TANGO6: variants seen among roughly 807,000 people sequenced by gnomAD.
TANGO6 encodes the protein transport and golgi organization 6 homolog.
A neutral mutation model predicts 114.2 loss-of-function variants in TANGO6; 90 were observed. The ratio of observed to expected loss-of-function variants is 0.79; its 90% confidence interval spans 0.66 to 0.94. The LOEUF (loss-of-function observed/expected upper bound fraction) is 0.94, where lower values mean the gene tolerates loss of function less well. TANGO6 is among the 40% of genes least tolerant of loss of function. TANGO6 has a pLI of 0.00. For synonymous variants in TANGO6, 477 were observed against 509.8 expected (o/e 0.94, Z 0.87); for missense variants, 1,274 against 1,315.3 (o/e 0.97, Z 0.49).
At chr16:68,912,413 C>G (rs553940045) in intron 11 of TANGO6, among the ~76,000 whole-genome samples, 2 of 151,988 alleles carry the variant, frequency 1.3e-5, no homozygotes, top group South Asian at 4.2e-4. Context: ...GTGGGCAGAT[C>G]ACTTGAGGCC....
At chr16:68,861,202 C>A (rs1962087417) in intron 2 of TANGO6, among the ~76,000 whole-genome samples, 1 of 152,134 alleles carries the variant, frequency 6.6e-6, no homozygotes, top group African/African-American at 2.4e-5. Context: ...ACTACCCCCG[C>A]CATGAGAGGA....
At chr16:68,987,824 T>C (rs536325115) in intron 15 of TANGO6, among the ~76,000 whole-genome samples, 3 of 152,350 alleles carry the variant, frequency 2.0e-5, no homozygotes, top group African/African-American at 7.2e-5. Context: ...TCCTTTGATA[T>C]TATTTTGTTG....
rs992912368 is a variant in TANGO6 at position 69,078,900 on chromosome 16, C to T, written c.3109-4585C>T. On this transcript the variant is annotated intron_variant, in intron 17 of 17. Transcript: ENST00000261778. ...CTGGCATTACAGGCATGCACCACCA[C>T]GCCCAGCTAATTTGTGTATTTTTAG... Among the ~76,000 whole-genome samples the T allele has an allele frequency of 9.2e-5, 14 of 152,022 alleles. 1 individual carries two copies. Among genetic ancestry groups the T allele is most frequent in the African/African-American group, 3.1e-4 (13 of 41,430 alleles).
chr16:68,865,917 CAA>C (rs200848528), intron 3 of TANGO6, among the ~76,000 whole-genome samples: 13,733 of 141,350 alleles, frequency 0.097, 748 homozygotes, highest in Non-Finnish European at 0.13. Flanking sequence ...GACTCCGTCT[CAA>C]AAAAAAAAAA....
chr16:68,986,001 G>A (rs955374027), intron 15 of TANGO6, among the ~76,000 whole-genome samples: 1 of 152,182 alleles, frequency 6.6e-6, no homozygotes, highest in Non-Finnish European at 1.5e-5. Flanking sequence ...GTGGAAGAGG[G>A]GAGAGAGGGA....
chr16:68,966,520 A>G, intron 14 of TANGO6, among the ~76,000 whole-genome samples: 1 of 152,058 alleles, frequency 6.6e-6, no homozygotes, highest in East Asian at 1.9e-4. Context: ...AAATAAAATA[A>G]AATAAATAAA....
intron 17 of TANGO6, among the ~76,000 whole-genome samples, chr16:69,082,455 TAGCCTCCTAG>T (rs1960479390): frequency 6.6e-6 from 1 of 151,670 alleles, no homozygotes; most frequent in Non-Finnish European, 1.5e-5. Flanking sequence ...GCTCAAGAAA[TAGCCTCCTAG>T]GCCAGGCGGG....
intron 14 of TANGO6, among the ~76,000 whole-genome samples, chr16:68,959,974 G>A (rs139998661): frequency 2.0e-5 from 3 of 152,310 alleles, no homozygotes; most frequent in Admixed American, 1.3e-4. Flanking sequence ...TTCAGGAGGT[G>A]TGAGGAATGT....
At chr16:68,875,520 A>G (rs182093009) in intron 5 of TANGO6, among the ~76,000 whole-genome samples, 2 of 152,172 alleles carry the variant, frequency 1.3e-5, no homozygotes, top group African/African-American at 4.8e-5. Context: ...TAATCTCAGC[A>G]CTTTGGGAGG....
chr16:69,050,433 C>G (rs1423005633), intron 17 of TANGO6, among the ~76,000 whole-genome samples: 1 of 151,822 alleles, frequency 6.6e-6, no homozygotes, highest in Non-Finnish European at 1.5e-5. Context: ...CCTCAAACTC[C>G]TAGGCTCAAG....
At chr16:68,909,866 A>G (rs1962900020) in intron 11 of TANGO6, among the ~76,000 whole-genome samples, 1 of 152,168 alleles carries the variant, frequency 6.6e-6, no homozygotes, top group Admixed American at 6.6e-5. Flanking sequence ...AGAAATCACT[A>G]ATAATAATGA....
intron 1 of TANGO6, among the ~76,000 whole-genome samples, chr16:68,855,058 C>A (rs1016835716): frequency 1.3e-5 from 2 of 150,240 alleles, no homozygotes; most frequent in Non-Finnish European, 3.0e-5. Context: ...AGGTTGGAGT[C>A]CAATGGCGTG....
At chr16:68,995,314 A>G (rs1464420917) in intron 15 of TANGO6, among the ~76,000 whole-genome samples, 1 of 152,222 alleles carries the variant, frequency 6.6e-6, no homozygotes, top group Non-Finnish European at 1.5e-5. Flanking sequence ...AATTAGCCTT[A>G]GGGAGAAAAA....
At chr16:69,062,813 C>T (rs1031401203) in intron 17 of TANGO6, among the ~76,000 whole-genome samples, 7 of 135,502 alleles carry the variant, frequency 5.2e-5, no homozygotes, top group Non-Finnish European at 1.1e-4. Context: ...AAAAAAGAAT[C>T]AGCCAGGCGC....
chr16:69,004,629 C>T (rs1168308589), intron 15 of TANGO6, among the ~76,000 whole-genome samples: 1 of 152,166 alleles, frequency 6.6e-6, no homozygotes, highest in African/African-American at 2.4e-5. Context: ...GCTAGGATTA[C>T]AGGCAAGAGC....
chr16:68,849,554 G>C (rs1961867719), intron 1 of TANGO6, among the ~76,000 whole-genome samples: 1 of 152,004 alleles, frequency 6.6e-6, no homozygotes, highest in Non-Finnish European at 1.5e-5. Context: ...CCGATGCTTT[G>C]GAGGCTAAGA....
chr16:68,875,470 G>A (rs1962339542), intron 5 of TANGO6, among the ~76,000 whole-genome samples, 180 bp downstream of exon 5: 1 of 152,056 alleles, frequency 6.6e-6, no homozygotes, highest in Non-Finnish European at 1.5e-5. Flanking sequence ...TAATTGTTCA[G>A]TTTAAGAATG....
intron 17 of TANGO6, among the ~76,000 whole-genome samples, chr16:69,081,532 G>A (rs1334815413): frequency 2.6e-5 from 4 of 151,678 alleles, no homozygotes; most frequent in South Asian, 2.1e-4. Flanking sequence ...GTAGAGATGG[G>A]GTTTCACCTT....
At chr16:69,058,791 G>C (rs973797060) in intron 17 of TANGO6, among the ~76,000 whole-genome samples, 2 of 151,142 alleles carry the variant, frequency 1.3e-5, no homozygotes, top group Non-Finnish European at 2.9e-5. Context: ...TTAGCCTCTC[G>C]AGTAGCTGGG....
Sources: gnomAD v4.1 joint callset for allele counts (sites outside exome capture counted in the v4.1 genomes callset) on GRCh38, gnomAD v4.1.1 for gene constraint, MANE v1.5 for transcripts, NCBI Gene and HGNC (gene_info 2026-07-23, HGNC 2026-07-21) for gene names.